Variants in ZBTB20 observed in about 807,000 individuals in gnomAD.
The protein encoded by ZBTB20 is zinc finger and BTB domain containing 20.
ZBTB20 carries 9 observed loss-of-function variants against 56.9 expected under a neutral mutation model. The observed-to-expected ratio is 0.16, with a 90% CI of 0.10 to 0.28. The LOEUF is 0.28. Among genes scored for constraint, ZBTB20 ranks in the 10% least tolerant of loss-of-function variants. The probability of loss-of-function intolerance (pLI) is 1.00; values close to 1 mark genes in which losing one functional copy is unlikely to be tolerated. For synonymous variants in ZBTB20, 417 were observed against 420.7 expected (o/e 0.99, Z 0.11); for missense variants, 655 against 1,003.0 (o/e 0.65, Z 4.69).
At chr3:114,678,300 A>C (rs1043709550) in intron 6 of ZBTB20, among the ~76,000 whole-genome samples, 1 of 152,140 alleles carries the variant, frequency 6.6e-6, no homozygotes, top group South Asian at 2.1e-4. Flanking sequence ...CACTCTGAAA[A>C]CCATTTCTAT....
chr3:114,450,326 A>C (rs1477433669), intron 7 of ZBTB20, among the ~76,000 whole-genome samples: 1 of 152,228 alleles, frequency 6.6e-6, no homozygotes, highest in African/African-American at 2.4e-5. Context: ...AACAAAGCAA[A>C]ACTCAAATTT....
intron 5 of ZBTB20, among the ~76,000 whole-genome samples, chr3:114,774,611 C>T (rs2069451054): frequency 6.6e-6 from 1 of 152,096 alleles, no homozygotes; most frequent in Non-Finnish European, 1.5e-5. Context: ...TTATGTCTGT[C>T]CCCATTTAAT....
intron 3 of ZBTB20, among the ~76,000 whole-genome samples, chr3:114,913,815 C>T (rs2107721098): frequency 6.6e-6 from 1 of 151,894 alleles, no homozygotes; most frequent in South Asian, 2.1e-4. Flanking sequence ...TTCAGTTTTC[C>T]CAGCACCATT....
chr3:114,652,101 T>C (rs1206644590), intron 6 of ZBTB20, among the ~76,000 whole-genome samples: 1 of 152,072 alleles, frequency 6.6e-6, no homozygotes, highest in African/African-American at 2.4e-5. Flanking sequence ...TTTTGATAAA[T>C]TTATACACCT....
intron 4 of ZBTB20, among the ~76,000 whole-genome samples, chr3:114,896,183 T>A (rs956187607): frequency 3.9e-5 from 6 of 152,140 alleles, no homozygotes; most frequent in African/African-American, 1.2e-4. Flanking sequence ...TTAAATGAAA[T>A]TAATCTTATT....
chr3:114,827,141 T>C (rs2073573873), intron 4 of ZBTB20, among the ~76,000 whole-genome samples: 1 of 151,740 alleles, frequency 6.6e-6, no homozygotes, highest in African/African-American at 2.4e-5. Flanking sequence ...TCAAAATGAA[T>C]AGTATTATAC....
At chr3:114,614,255 GGTATATTATATT>G (rs2057762509) in intron 6 of ZBTB20, among the ~76,000 whole-genome samples, 2 of 152,074 alleles carry the variant, frequency 1.3e-5, no homozygotes, top group South Asian at 4.2e-4. Flanking sequence ...TTATCACAAT[GGTATATTATATT>G]GTTTAGACAT....
Position 114,521,565 on chromosome 3 carries a change from A to T in ZBTB20, c.-294-21174T>A, listed in dbSNP as rs563539533. ...ACCTCTCTCATCCCCATTGCACCAC[A>T]TTAGCTCAGAGCATCATTATCTGTC... On this transcript the variant is annotated intron_variant, in intron 6 of 11. Coordinates refer to ENST00000675478, the MANE Select transcript of ZBTB20 (RefSeq NM_001348800.3). Among the ~76,000 whole-genome samples, 358 of 152,240 alleles carry T rather than the reference A, an allele frequency of 2.4e-3. 2 individuals carry two copies. The highest frequency in any genetic ancestry group is 2.3e-3 in the Non-Finnish European group (159 of 68,010).
rs1009497435 is a variant in ZBTB20 at position 115,068,880 on chromosome 3, G to GAA, written c.-507+2337_-507+2338dup. ...GTAGATAGTATTGCATTGCTTGTTT[G>GAA]AAAAAAAAAAAAGTTGACAGTTTGA... On this transcript the variant is annotated intron_variant, in intron 2 of 11. Coordinates refer to ENST00000675478, the MANE Select transcript of ZBTB20 (RefSeq NM_001348800.3). Among the ~76,000 whole-genome samples, 792 of 142,614 alleles carry GAA rather than the reference G, an allele frequency of 5.6e-3. 6 individuals carry two copies. The highest frequency in any genetic ancestry group is 0.018 in the African/African-American group (717 of 39,132). The allele number at this position is 142,614 out of a possible 152,430, so 93.6% of individuals were successfully genotyped here.
intron 5 of ZBTB20, among the ~76,000 whole-genome samples, chr3:114,699,166 T>G (rs976980273): frequency 6.6e-6 from 1 of 152,154 alleles, no homozygotes; most frequent in African/African-American, 2.4e-5. Context: ...TTTGTGTTCA[T>G]TTCCACCAGC....
chr3:114,565,607 A>G (rs919167659), intron 6 of ZBTB20, among the ~76,000 whole-genome samples: 14 of 152,192 alleles, frequency 9.2e-5, no homozygotes, highest in African/African-American at 3.4e-4. Context: ...AACTAATTAT[A>G]TAGTTATCAG....
chr3:114,861,879 G>A (rs913227386), intron 4 of ZBTB20: 1 of 152,130 alleles, frequency 6.6e-6, no homozygotes, highest in Non-Finnish European at 1.5e-5. Flanking sequence ...TGTCACTTAC[G>A]TAAGAAGATG....
Position 114,474,852 on chromosome 3 carries a change from C to T in ZBTB20, c.-255+25500G>A, listed in dbSNP as rs537329057. On this transcript the variant is annotated intron_variant, in intron 7 of 11. Coordinates refer to ENST00000675478, the MANE Select transcript of ZBTB20 (RefSeq NM_001348800.3). ...CCTGCCCTAGTTAGTGCCTTCATTG[C>T]CTTTCACCTGGACTATTGTAATAGT... Among the ~76,000 whole-genome samples the T allele has an allele frequency of 5.3e-4, 81 of 152,252 alleles. 1 individual carries two copies. In the South Asian group the frequency reaches 0.017, roughly 31 times the overall value.
chr3:114,384,105 T>TCA (rs2084750089), intron 8 of ZBTB20, among the ~76,000 whole-genome samples: 1 of 136,596 alleles, frequency 7.3e-6, no homozygotes, highest in Admixed American at 7.2e-5. Context: ...TCTCATTCTC[T>TCA]CTCTCTCTCT....
chr3:114,733,435 C>T (rs1034117060), intron 5 of ZBTB20, among the ~76,000 whole-genome samples: 4 of 152,164 alleles, frequency 2.6e-5, no homozygotes, highest in African/African-American at 9.7e-5. Flanking sequence ...ACCACATTCT[C>T]TATTTGATCT....
At chr3:114,631,643 G>A (rs770955119) in intron 6 of ZBTB20, among the ~76,000 whole-genome samples, 1 of 151,680 alleles carries the variant, frequency 6.6e-6, no homozygotes, top group Non-Finnish European at 1.5e-5. Context: ...CGCCTGCCTC[G>A]GCCTCCCAAA....
chr3:114,456,232 C>A (rs1191484222), intron 7 of ZBTB20, among the ~76,000 whole-genome samples: 1 of 150,724 alleles, frequency 6.6e-6, no homozygotes, highest in Admixed American at 6.6e-5. Context: ...GAGAGAGAGA[C>A]CATTTTGAAT....
chr3:114,933,014 T>C (rs1340635883), intron 3 of ZBTB20, among the ~76,000 whole-genome samples: 1 of 152,012 alleles, frequency 6.6e-6, no homozygotes, highest in Non-Finnish European at 1.5e-5. Context: ...TAGTGAATGA[T>C]GAGAAGCAAT....
At chr3:114,869,951 G>C (rs550440578) in intron 4 of ZBTB20, among the ~76,000 whole-genome samples, 1 of 152,152 alleles carries the variant, frequency 6.6e-6, no homozygotes, top group Non-Finnish European at 1.5e-5. Flanking sequence ...TAAAAAGTGT[G>C]TAATTACTGT....
Sources: allele counts gnomAD v4.1 joint callset (sites outside exome capture counted in the v4.1 genomes callset), GRCh38; gene constraint gnomAD v4.1.1; transcripts MANE v1.5; gene names NCBI Gene and HGNC (gene_info 2026-07-23, HGNC 2026-07-21).